The following BNC2 variants were observed in gnomAD, a reference collection of about 807,000 sequenced individuals.
BNC2 encodes the protein zinc finger protein basonuclin-2.
In BNC2, 20 loss-of-function variants were observed where a neutral mutation model predicts 76.3. The observed-to-expected ratio is 0.26, with a 90% CI of 0.18 to 0.38. The LOEUF is 0.38. Among genes scored for constraint, BNC2 ranks in the 10% least tolerant of loss-of-function variants. The probability of loss-of-function intolerance (pLI) is 1.00; values close to 1 mark genes in which losing one functional copy is unlikely to be tolerated. For synonymous variants in BNC2, 582 were observed against 514.8 expected (o/e 1.13, Z -1.77); for missense variants, 1,382 against 1,399.8 (o/e 0.99, Z 0.20).
At chr9:16,476,557 GTTGT>G (rs1821931516) in intron 5 of BNC2, among the ~76,000 whole-genome samples, 1 of 144,606 alleles carries the variant, frequency 6.9e-6, no homozygotes, top group Non-Finnish European at 1.5e-5. Flanking sequence ...GTGTGTGTGT[GTTGT>G]TTTTTTTAAA....
In BNC2 at chr9:16,618,455, G is replaced by A. The variant is rs371045863; in HGVS notation, c.331-35370C>T. ...AGAAAGCTATATCGAGCATGGCCAC[G>A]GACTAGGGACACAACATCAAACATC... is the stretch of plus-strand genomic sequence containing the variant. On this transcript the variant is annotated intron_variant, in intron 3 of 6. Coordinates refer to ENST00000380672, the MANE Select transcript of BNC2 (RefSeq NM_017637.6). 1.1e-4 allele frequency among the ~76,000 whole-genome samples: 17 copies of A among 152,180 alleles called. No homozygotes were observed. In the East Asian group the frequency reaches 1.4e-3, roughly 12 times the overall value.
At chr9:16,667,555 G>C (rs1489805059) in intron 3 of BNC2, among the ~76,000 whole-genome samples, 1 of 152,130 alleles carries the variant, frequency 6.6e-6, no homozygotes, top group Admixed American at 6.5e-5. Flanking sequence ...AGGATTATCT[G>C]AGCAAATAAT....
chr9:16,651,288 A>T (rs79721685), intron 3 of BNC2, among the ~76,000 whole-genome samples: 2,009 of 152,354 alleles, frequency 0.013, 21 homozygotes, highest in South Asian at 0.032. Flanking sequence ...TGATGACTTC[A>T]ATCAGTAAAA....
intron 1 of BNC2, among the ~76,000 whole-genome samples, chr9:16,835,627 G>A (rs1818688763): frequency 6.6e-6 from 1 of 152,196 alleles, no homozygotes; most frequent in South Asian, 2.1e-4. Context: ...ACTTGAACCT[G>A]GGAGGCGGAG....
chr9:16,428,938 C>T (rs1242876623), intron 6 of BNC2, among the ~76,000 whole-genome samples: 1 of 152,142 alleles, frequency 6.6e-6, no homozygotes, highest in South Asian at 2.1e-4. Context: ...AAAAATTGTC[C>T]TTTCCTAAAA....
At chr9:16,712,143 G>GT (rs1823869574) in intron 3 of BNC2, among the ~76,000 whole-genome samples, 1 of 152,136 alleles carries the variant, frequency 6.6e-6, no homozygotes, top group Non-Finnish European at 1.5e-5. Flanking sequence ...CACAAAATCA[G>GT]TTTACACACG....
chr9:16,631,751 T>A (rs953424281), intron 3 of BNC2, among the ~76,000 whole-genome samples: 6 of 152,136 alleles, frequency 3.9e-5, no homozygotes, highest in African/African-American at 1.4e-4. Context: ...TCAAATAATT[T>A]ATCACGTTGT....
intron 5 of BNC2, among the ~76,000 whole-genome samples, chr9:16,457,432 T>C (rs771499747): frequency 2.6e-5 from 4 of 152,090 alleles, no homozygotes; most frequent in Admixed American, 6.5e-5. Context: ...AGTGATGGGA[T>C]ACAAAGCAGC....
chr9:16,838,106 T>C (rs1329898621), intron 1 of BNC2, among the ~76,000 whole-genome samples: 1 of 152,180 alleles, frequency 6.6e-6, no homozygotes, highest in Non-Finnish European at 1.5e-5. Flanking sequence ...CTACCAGGTA[T>C]TTAGGTCTAC....
At chr9:16,678,648 C>CT (rs79994792) in intron 3 of BNC2, among the ~76,000 whole-genome samples, 3,623 of 134,960 alleles carry the variant, frequency 0.027, 62 homozygotes, top group Middle Eastern at 0.041. Flanking sequence ...GTAACAGTCT[C>CT]TTTTTTTTTT....
intron 5 of BNC2, among the ~76,000 whole-genome samples, chr9:16,550,019 T>A (rs1016823292): frequency 1.3e-5 from 2 of 151,982 alleles, no homozygotes; most frequent in Non-Finnish European, 2.9e-5. Context: ...TAATTATAAT[T>A]TAAGTATTAC....
intron 5 of BNC2, among the ~76,000 whole-genome samples, chr9:16,506,862 C>T (rs926271442): frequency 6.6e-6 from 1 of 152,036 alleles, no homozygotes; most frequent in Non-Finnish European, 1.5e-5. Flanking sequence ...AGTGATGCTC[C>T]TGCCTCAGCC....
chr9:16,863,524 G>C, intron 1 of BNC2, among the ~76,000 whole-genome samples: 1 of 152,106 alleles, frequency 6.6e-6, no homozygotes, highest in Admixed American at 6.5e-5. Context: ...GTGAAACCTT[G>C]TCCCTACTAA....
chr9:16,563,947 A>T (rs929292489), intron 4 of BNC2, among the ~76,000 whole-genome samples: 6 of 152,202 alleles, frequency 3.9e-5, no homozygotes, highest in African/African-American at 1.4e-4. Context: ...CACTGTGATG[A>T]CAGTTTTTAA....
At chr9:16,582,135 G>A (rs952687933) in intron 4 of BNC2, among the ~76,000 whole-genome samples, 4 of 152,010 alleles carry the variant, frequency 2.6e-5, no homozygotes, top group Non-Finnish European at 5.9e-5. Flanking sequence ...GGCAATACCC[G>A]GGGCTGTCAA....
chr9:16,640,654 T>C (rs142024326), intron 3 of BNC2, among the ~76,000 whole-genome samples: 4 of 152,324 alleles, frequency 2.6e-5, no homozygotes, highest in East Asian at 1.9e-4. Context: ...GTTTGCCGTA[T>C]ACATTAAGCA....
intron 1 of BNC2, among the ~76,000 whole-genome samples, chr9:16,747,180 G>A (rs969455566): frequency 2.2e-4 from 33 of 152,172 alleles, no homozygotes; most frequent in Middle Eastern, 3.4e-3. Flanking sequence ...CATCTTCACA[G>A]GGTACATAAA....
At chr9:16,715,997 T>C (rs1445176531) in intron 3 of BNC2, among the ~76,000 whole-genome samples, 1 of 152,234 alleles carries the variant, frequency 6.6e-6, no homozygotes, top group Non-Finnish European at 1.5e-5. Context: ...ATTAAATGTT[T>C]TTTAAAATAG....
chr9:16,507,945 A>T (rs548827402), intron 5 of BNC2, among the ~76,000 whole-genome samples: 3 of 152,338 alleles, frequency 2.0e-5, no homozygotes, highest in Admixed American at 6.5e-5. Flanking sequence ...TCATTATTAT[A>T]ATACTTCACT....
Sources: allele counts gnomAD v4.1 joint callset (sites outside exome capture counted in the v4.1 genomes callset), GRCh38; gene constraint gnomAD v4.1.1; transcripts MANE v1.5; gene names NCBI Gene and HGNC (gene_info 2026-07-23, HGNC 2026-07-21).